The following DERA variants were observed in gnomAD, a reference collection of about 807,000 sequenced individuals.
DERA encodes the protein deoxyribose-phosphate aldolase, also known as 2-deoxy-D-ribose 5-phosphate aldolase.
A neutral mutation model predicts 41.1 loss-of-function variants in DERA; 15 were observed. The ratio of observed to expected loss-of-function variants is 0.37; its 90% CI spans 0.24 to 0.56. The LOEUF (loss-of-function observed/expected upper bound fraction) is 0.56. Among genes scored for constraint, DERA ranks in the 20% least tolerant of loss-of-function variants. The probability of loss-of-function intolerance (pLI) is 0.81; values close to 1 mark genes in which losing one functional copy is unlikely to be tolerated. For synonymous variants in DERA, 139 were observed against 137.4 expected, an observed-to-expected ratio of 1.01 and a Z score of -0.08; for missense variants, 396 against 403.4, an observed-to-expected ratio of 0.98 and a Z score of 0.16.
intron 1 of DERA, among the ~76,000 whole-genome samples, chr12:15,933,022 A>G (rs1291803134): frequency 1.3e-5 from 2 of 152,194 alleles, no homozygotes; most frequent in African/African-American, 4.8e-5. Context: ...AAGGCTGAAT[A>G]GTATTCTGTT....
Position 15,957,043 on chromosome 12 carries a change from C to G in DERA, c.129+10C>G. ...GAAAAAGGAGTGGCAGGTAAGGGTTCTTCTTGAGCATTCTGTGCCTGTATT... is the reference window on the plus strand; with the variant it reads ...GAAAAAGGAGTGGCAGGTAAGGGTTGTTCTTGAGCATTCTGTGCCTGTATT... On this transcript the variant is annotated intron_variant, in intron 2 of 8. Coordinates refer to ENST00000428559, the MANE Select transcript of DERA (RefSeq NM_015954.4). This position sits in a 1 kb window ranked among gnomAD's most constrained non-coding sequence, Gnocchi z 4.8. The G allele has an allele frequency of 6.2e-7, 1 of 1,607,842 alleles. No individual in the cohort carries two copies.
rs114481462 is a variant in DERA, at chr12:16,006,227, T to C, written c.637+23791T>C. Among the ~76,000 whole-genome samples the C allele has an allele frequency of 6.1e-3, 924 of 152,224 alleles. 15 individuals carry two copies. Among genetic ancestry groups the C allele is most frequent in the African/African-American group, 0.021 (886 of 41,540 alleles). On this transcript the variant is annotated intron_variant, in intron 6 of 8. Coordinates refer to ENST00000428559, the MANE Select transcript of DERA (RefSeq NM_015954.4). ...TTACCCTCTCCCCTCTTGCTCCCAA[T>C]GAAAAGAAGTCAGGACATTTGTCCA... is the stretch of plus-strand genomic sequence containing the variant.
Position 16,036,447 on chromosome 12 carries a change from C to A in DERA, c.900+66C>A. 6.6e-7 allele frequency: 1 copy of A among 1,508,148 alleles called. No individual in the cohort carries two copies. The highest frequency in any genetic ancestry group is 1.3e-5 in the South Asian group (1 of 76,694). 93.4% of individuals were successfully genotyped at this position (1,508,148 alleles called of 1,614,324 possible). ...TTTTTTGAGAAAGGAATTGAAAAGT[C>A]AAATTGAGAACTGGAGATAAAAACT... On this transcript the variant is annotated intron_variant, in intron 8 of 8. Coordinates refer to ENST00000428559, the MANE Select transcript of DERA (RefSeq NM_015954.4). The surrounding 1 kb of genome is among the most constrained non-coding windows in gnomAD (Gnocchi z 4.9).
rs1383555503 is a variant in DERA at position 15,911,465 on chromosome 12, C to T, written c.31+51C>T. On this transcript the variant is annotated intron_variant, in intron 1 of 8. Transcript: ENST00000428559. The surrounding 1 kb of genome is among the most constrained non-coding windows in gnomAD (Gnocchi z 4.5). ...CCCCTCTCCCTCGCGTTCAGCGCCG[C>T]CGGGACTAGCGCGGGGCCTGCTGCC... 1.8e-5 allele frequency: 25 copies of T among 1,401,614 alleles called. No homozygotes were observed. The highest frequency in any genetic ancestry group is 2.3e-5 in the Non-Finnish European group (25 of 1,079,554). 86.8% of individuals were successfully genotyped at this position (1,401,614 alleles called of 1,614,324 possible). A position where few individuals can be genotyped will look rare whatever the true frequency, so the allele number is the denominator to read the frequency against.
chr12:15,984,996 G>A lies in DERA; in HGVS notation c.637+2560G>A, dbSNP rs1948754998. On this transcript the variant is annotated intron_variant, in intron 6 of 8. Coordinates refer to ENST00000428559, the MANE Select transcript of DERA (RefSeq NM_015954.4). The surrounding 1 kb of genome is among the most constrained non-coding windows in gnomAD (Gnocchi z 4.5). ...TTTTTTCTTAAATCAATTTCATTGA[G>A]GCAGATTTGCATTCAGTAAAATTCA... Among the ~76,000 whole-genome samples, 1 of 152,064 alleles carries A rather than the reference G, an allele frequency of 6.6e-6. No homozygotes were observed. The highest frequency in any genetic ancestry group is 2.4e-5 in the African/African-American group (1 of 41,410).
At chr12:15,932,400 AGCACTTTGGGAG>A (rs1403749088) in intron 1 of DERA, among the ~76,000 whole-genome samples, 1 of 152,166 alleles carries the variant, frequency 6.6e-6, no homozygotes, top group Non-Finnish European at 1.5e-5. Context: ...CCTGTCTCCC[AGCACTTTGGGAG>A]GTCGAGGAGG....
chr12:15,997,386 T>TA lies in DERA; in HGVS notation c.637+14952dup, dbSNP rs113114706. ...TGAATGAAAAAAATGATTTTTTTTTTAATTTGGAAAGATATGTTAACAGGG... is the reference window on the plus strand; with the variant it reads ...TGAATGAAAAAAATGATTTTTTTTTTAAATTTGGAAAGATATGTTAACAGGG... On this transcript the variant is annotated intron_variant, in intron 6 of 8. Transcript: ENST00000428559. Among the ~76,000 whole-genome samples the TA allele has an allele frequency of 1.6e-3, 245 of 152,244 alleles. 3 individuals are homozygous for TA. The highest frequency in any genetic ancestry group is 5.6e-3 in the African/African-American group (232 of 41,508).
Position 15,940,358 on chromosome 12 carries a change from A to G in DERA, c.32-16578A>G, listed in dbSNP as rs570901308. ...CCTTTTTTTATTTTATTTTATTATT[A>G]TTTTTTTATTTGAGATGGAGTCTGG... On this transcript the variant is annotated intron_variant, in intron 1 of 8. Coordinates refer to ENST00000428559, the MANE Select transcript of DERA (RefSeq NM_015954.4). This position sits in a 1 kb window ranked among gnomAD's most constrained non-coding sequence, Gnocchi z 5.1. Among the ~76,000 whole-genome samples, 1 of 151,674 alleles carries G rather than the reference A, an allele frequency of 6.6e-6. No individual in the cohort carries two copies. The highest frequency in any genetic ancestry group is 1.5e-5 in the Non-Finnish European group (1 of 67,918).
rs1177400859 is a variant in DERA at position 15,967,750 on chromosome 12, A to G, written c.508+4803A>G. Among the ~76,000 whole-genome samples the G allele has an allele frequency of 6.6e-6, 1 of 152,198 alleles. No homozygotes were observed. Among genetic ancestry groups the G allele is most frequent in the Non-Finnish European group, 1.5e-5 (1 of 68,038 alleles). On this transcript the variant is annotated intron_variant, in intron 5 of 8. Coordinates refer to ENST00000428559, the MANE Select transcript of DERA (RefSeq NM_015954.4). The surrounding 1 kb of genome is among the most constrained non-coding windows in gnomAD (Gnocchi z 4.9). Reference sequence around the variant, plus strand: ...TGACGGCACACTGTCCTTCCCTGCCAATCCTTCTGTCACTCCTGTCTAGCT... The same window carrying G: ...TGACGGCACACTGTCCTTCCCTGCCGATCCTTCTGTCACTCCTGTCTAGCT...
At chr12:15,912,551 T>G (rs1948172220) in intron 1 of DERA, among the ~76,000 whole-genome samples, 2 of 152,218 alleles carry the variant, frequency 1.3e-5, no homozygotes, top group African/African-American at 4.8e-5. Context: ...CTTAAGTTTC[T>G]TCATCTGTAA....
Position 16,014,036 on chromosome 12 carries a change from A to G in DERA, c.638-18506A>G, listed in dbSNP as rs921308563. ...TAAGCAGAAAAGTGTTCAAGAGGTG[A>G]CTGGGTGTTCTTAAAAGCATTCAGA... On this transcript the variant is annotated intron_variant, in intron 6 of 8. Coordinates refer to ENST00000428559, the MANE Select transcript of DERA (RefSeq NM_015954.4). The surrounding 1 kb of genome is among the most constrained non-coding windows in gnomAD (Gnocchi z 5.4). Among the ~76,000 whole-genome samples the G allele has an allele frequency of 2.0e-5, 3 of 152,188 alleles. No individual in the cohort carries two copies. Among genetic ancestry groups the G allele is most frequent in the African/African-American group, 7.2e-5 (3 of 41,450 alleles).
chr12:15,939,052 T>A (rs992941783), intron 1 of DERA, among the ~76,000 whole-genome samples: 162 of 152,338 alleles, frequency 1.1e-3, no homozygotes, highest in African/African-American at 3.2e-3. Context: ...AGTGTTGCTC[T>A]ACAGCTGCTT....
At chr12:15,956,526 C>T (rs1366515947) in intron 1 of DERA, 3 of 353,062 alleles carry the variant, frequency 8.5e-6, no homozygotes, top group Non-Finnish European at 1.7e-5. Flanking sequence ...CATTAGTTCA[C>T]TTAAGATTTG....
chr12:15,973,357 A>C (rs1948676557), intron 5 of DERA, among the ~76,000 whole-genome samples: 1 of 152,144 alleles, frequency 6.6e-6, no homozygotes, highest in Admixed American at 6.5e-5. Flanking sequence ...TGTTTTGTTA[A>C]ATTTTGCATT....
rs908681461 is a variant in DERA, at chr12:15,941,124, A to G, written c.32-15812A>G. On this transcript the variant is annotated intron_variant, in intron 1 of 8. Coordinates refer to ENST00000428559, the MANE Select transcript of DERA (RefSeq NM_015954.4). The surrounding 1 kb of genome is among the most constrained non-coding windows in gnomAD (Gnocchi z 4.5). The stretch of plus-strand genomic sequence containing the variant: ...ACAGAATTTGATAAATCATAAAAGC[A>G]TTGCTTTCAGTGTGCTCTCTGCAAG... Among the ~76,000 whole-genome samples the G allele has an allele frequency of 1.3e-5, 2 of 152,188 alleles. No individual in the cohort carries two copies. The highest frequency in any genetic ancestry group is 4.8e-5 in the African/African-American group (2 of 41,436).
chr12:15,936,959 C>CCTGTCCTGTCCTGTCCCGTCCTGT lies in DERA; in HGVS notation c.32-19976_32-19975insTGTCCTGTCCTGTCCCGTCCTGTC, dbSNP rs1565588788. Among the ~76,000 whole-genome samples, 6 of 139,772 alleles carry CCTGTCCTGTCCTGTCCCGTCCTGT rather than the reference C, an allele frequency of 4.3e-5. No homozygotes were observed. The highest frequency in any genetic ancestry group is 1.8e-4 in the African/African-American group (6 of 33,454). 91.7% of individuals were successfully genotyped at this position (139,772 alleles called of 152,430 possible). ...TCTTGTCCTGTCCCGTCCTGTCCTG[C>CCTGTCCTGTCCTGTCCCGTCCTGT]CCTGCCCTGCCCTGTCTTGTCTTTC... On this transcript the variant is annotated intron_variant, in intron 1 of 8. Coordinates refer to ENST00000428559, the MANE Select transcript of DERA (RefSeq NM_015954.4). This position sits in a 1 kb window ranked among gnomAD's most constrained non-coding sequence, Gnocchi z 4.6.
intron 1 of DERA, among the ~76,000 whole-genome samples, chr12:15,949,058 G>C (rs1003399284): frequency 5.3e-5 from 8 of 152,286 alleles, no homozygotes; most frequent in Admixed American, 2.6e-4. Context: ...GTTCCTCTGG[G>C]AGCTTCGTCT....
At chr12:15,979,644 T>C (rs1948720372) in intron 5 of DERA, among the ~76,000 whole-genome samples, 1 of 152,218 alleles carries the variant, frequency 6.6e-6, no homozygotes, top group Non-Finnish European at 1.5e-5. Flanking sequence ...TCCTGTTATG[T>C]GGTAAAATAG....
intron 1 of DERA, among the ~76,000 whole-genome samples, chr12:15,920,220 G>A (rs1052336698): frequency 6.6e-6 from 1 of 152,056 alleles, no homozygotes; most frequent in African/African-American, 2.4e-5. Context: ...ACACTTATAA[G>A]GCTACCTCTT....
Sources: allele counts gnomAD v4.1 joint callset (sites outside exome capture counted in the v4.1 genomes callset), GRCh38; gene constraint gnomAD v4.1.1; non-coding constraint Gnocchi (gnomAD v3.1); transcripts MANE v1.5; gene names NCBI Gene and HGNC (gene_info 2026-07-23, HGNC 2026-07-21).